ADGRG4: variants seen among roughly 807,000 people sequenced by gnomAD.
ADGRG4 encodes the protein adhesion G protein-coupled receptor G4.
Under a neutral mutation model 126.2 loss-of-function variants are expected in ADGRG4, and 122 were observed. That is an observed-to-expected ratio of 0.97 (90% confidence interval 0.83 to 1.12). ADGRG4 has a LOEUF of 1.12. ADGRG4 is among the 50% of genes most tolerant of loss of function. ADGRG4 has a pLI of 0.00. For missense variants in ADGRG4, 2,481 were observed against 2,251.8 expected (o/e 1.10, Z -2.06); for synonymous variants, 943 against 838.7 (o/e 1.12, Z -2.15).
chrX:136,392,228 G>A lies in ADGRG4; in HGVS notation c.7912-4G>A, dbSNP rs1464574891. The A allele has an allele frequency of 2.6e-6, 3 of 1,154,374 alleles. No individual in the cohort carries two copies. The South Asian group carries it at 6.4e-5, about 25-fold the overall frequency. On this transcript the variant is annotated splice_polypyrimidine_tract_variant and splice_region_variant and intron_variant, in intron 16 of 25. Coordinates refer to ENST00000394143, the MANE Select transcript of ADGRG4 (RefSeq NM_153834.4). ...CCTGAACTCCTCTTTTGTTTCATCT[G>A]CAGACCAAAAATGTCACTAAAGCAT...
Position 136,348,343 on chromosome X carries a change from G to A in ADGRG4, c.4637G>A (p.Gly1546Asp). ...ITKSSKTMHP[G>D]CLKSPCTATS... ...AAATCTTCTAAAACAATGCATCCAG[G>A]TTGTTTGAAAAGTCCCTGTACAGCC... is the stretch of plus-strand genomic sequence containing the variant. The change falls in exon 6 of 26, where the codon GGT becomes GAT. Residue 1546 changes from glycine (G) to aspartate (D), a missense_variant. Physicochemically the swap from Gly to Asp is moderately conservative, Grantham distance 94. Coordinates refer to ENST00000394143, the MANE Select transcript of ADGRG4 (RefSeq NM_153834.4). 2.5e-6 allele frequency: 3 copies of A among 1,209,828 alleles called. No homozygotes were observed. Among genetic ancestry groups the A allele is most frequent in the Non-Finnish European group, 3.4e-6 (3 of 894,181 alleles).
chrX:136,322,804 C>A lies in ADGRG4; in HGVS notation c.97C>A (p.Leu33Met). The change falls in exon 5 of 26, where the codon CTG becomes ATG. Residue 33 changes from leucine to methionine, a missense_variant. Transcript: ENST00000394143. ...SDTLSLKGKK[L>M]DFFGRGDTYV... ...TACACTTTCACTAAAAGGAAAAAAG[C>A]TGGATTTTTTTGGAAGAGGTGACAC... The A allele has an allele frequency of 8.4e-7, 1 of 1,189,263 alleles. No homozygotes were observed. The highest frequency in any genetic ancestry group is 1.9e-5 in the South Asian group (1 of 53,065).
At chrX:136,360,755 C>G (rs1182059739) in intron 11 of ADGRG4, among the ~76,000 whole-genome samples, 1 of 109,895 alleles carries the variant, frequency 9.1e-6, no homozygotes, top group Non-Finnish European at 1.9e-5. Flanking sequence ...AACAAACAAA[C>G]AAAACAGAGC....
Position 136,405,828 on chromosome X carries a change from C to T in ADGRG4, c.8791C>T (p.Arg2931Trp), listed in dbSNP as rs749245858. 2.2e-5 allele frequency: 27 copies of T among 1,208,551 alleles called. No individual in the cohort carries two copies. Among genetic ancestry groups the T allele is most frequent in the Admixed American group, 8.8e-5 (4 of 45,638 alleles). The change falls in exon 23 of 26, where the codon CGG becomes TGG. Residue 2931 changes from arginine (R) to tryptophan (W), a missense_variant. Arg to Trp is a moderately radical substitution (Grantham distance 101). Transcript: ENST00000394143. Reference sequence around the variant, plus strand: ...TGTGAAATCCCAAATCCAGAAGACTCGGCGGAAGATGATCCTGCATGACCT... The same window carrying T: ...TGTGAAATCCCAAATCCAGAAGACTTGGCGGAAGATGATCCTGCATGACCT... Reference protein sequence around the residue: ...NSVKSQIQKTRRKMILHDLKG... With the variant: ...NSVKSQIQKTWRKMILHDLKG...
Position 136,350,126 on chromosome X carries a change from A to G in ADGRG4, c.6420A>G (p.Leu2140=). ...CACCTTCTACAACTGACCACACTCT[A>G]TCTGTTGGTGCCATGCCTCTGCCTA... The part of the protein sequence containing the change: ...TMSPSTTDHT[L]SVGAMPLPSS... The change falls in exon 6 of 26, where the codon CTA becomes CTG. Residue 2140 remains leucine (L), a synonymous_variant. Coordinates refer to ENST00000394143, the MANE Select transcript of ADGRG4 (RefSeq NM_153834.4). 8.3e-7 allele frequency: 1 copy of G among 1,209,041 alleles called. No individual in the cohort carries two copies.
chrX:136,319,505 A>G (rs1345572097), intron 4 of ADGRG4, among the ~76,000 whole-genome samples: 1 of 111,884 alleles, frequency 8.9e-6, no homozygotes, highest in African/African-American at 3.3e-5. Flanking sequence ...TTTAACTTTT[A>G]TATAGTGTTC....
At chrX:136,396,454 G>T (rs1450683242) in intron 19 of ADGRG4, among the ~76,000 whole-genome samples, 2 of 102,916 alleles carry the variant, frequency 1.9e-5, no homozygotes, top group African/African-American at 3.5e-5. Context: ...GGAGTGCAGT[G>T]GTTCTATCTT....
At chrX:136,395,966 A>C (rs756731029) in intron 19 of ADGRG4, among the ~76,000 whole-genome samples, 1 of 111,839 alleles carries the variant, frequency 8.9e-6, no homozygotes, top group African/African-American at 3.2e-5. Context: ...GCTTGGGTTT[A>C]ACACAATAAA....
At chrX:136,385,238 A>G (rs1569334402) in intron 15 of ADGRG4, among the ~76,000 whole-genome samples, 1 of 111,719 alleles carries the variant, frequency 9.0e-6, no homozygotes, top group Middle Eastern at 4.6e-3. Context: ...TACAGTTTTT[A>G]GAATTCATGC....
chrX:136,336,613 A>G (rs940260261), intron 5 of ADGRG4, among the ~76,000 whole-genome samples: 1 of 111,404 alleles, frequency 9.0e-6, no homozygotes, highest in Non-Finnish European at 1.9e-5. Flanking sequence ...TGAGTCCAGT[A>G]ATTTTCCTTG....
rs1246614990 is a variant in ADGRG4 at position 136,345,661 on chromosome X, A to G, written c.1955A>G (p.Asn652Ser). ...TDEAAHLFSS[N>S]ETIWTSRPDQ... ...GAAGCTGCCCATCTGTTCTCCAGCA[A>G]TGAGACCATTTGGACTTCTAGGCCA... Residue 652 changes from asparagine to serine, a missense_variant, in exon 6 of 26, where the codon AAT becomes AGT. Coordinates refer to ENST00000394143, the MANE Select transcript of ADGRG4 (RefSeq NM_153834.4). The G allele has an allele frequency of 9.9e-6, 12 of 1,209,102 alleles. No individual in the cohort carries two copies. Among genetic ancestry groups the G allele is most frequent in the Non-Finnish European group, 1.3e-5 (12 of 894,479 alleles).
At chrX:136,409,909 C>G (rs1468864630) in intron 23 of ADGRG4, among the ~76,000 whole-genome samples, 2 of 112,428 alleles carry the variant, frequency 1.8e-5, no homozygotes, top group African/African-American at 6.5e-5. Context: ...TAGTTAAGCC[C>G]TTGTGTTCTA....
rs746969641 is a variant in ADGRG4, at chrX:136,349,558, T to C, written c.5852T>C (p.Leu1951Pro). The C allele has an allele frequency of 3.3e-6, 4 of 1,208,269 alleles. 1 individual carries two copies. The South Asian group carries it at 7.1e-5, about 21-fold the overall frequency. Residue 1951 changes from leucine to proline, a missense_variant, in exon 6 of 26, where the codon CTT becomes CCT. Leu to Pro is a moderately conservative substitution (Grantham distance 98). Coordinates refer to ENST00000394143, the MANE Select transcript of ADGRG4 (RefSeq NM_153834.4). ...TCAGGAATTCTTCCTAACCATGGGC[T>C]TTCTGAGAACCCTTCATTATCAACA... ...PMSGILPNHG[L>P]SENPSLSTSL...
chrX:136,302,308 A>G (rs2074706072), intron 1 of ADGRG4, among the ~76,000 whole-genome samples: 1 of 111,854 alleles, frequency 8.9e-6, no homozygotes, highest in East Asian at 2.8e-4. Flanking sequence ...CATTCCTTGT[A>G]AGTTGTATTC....
At chrX:136,403,192 G>T (rs1216803313) in intron 21 of ADGRG4, 52 bp from the exon 22 acceptor site, 1 of 958,741 alleles carries the variant, frequency 1.0e-6, no homozygotes, top group East Asian at 3.1e-5. Context: ...CATTGATTAG[G>T]TTGCCTCCCT....
At chrX:136,364,531 G>A (rs1205157281) in intron 13 of ADGRG4, among the ~76,000 whole-genome samples, 1 of 111,284 alleles carries the variant, frequency 9.0e-6, no homozygotes, top group East Asian at 2.8e-4. Flanking sequence ...TATTTAACCT[G>A]TTTCTTATGG....
At chrX:136,404,748 T>C (rs1308276519) in intron 22 of ADGRG4, among the ~76,000 whole-genome samples, 2 of 112,180 alleles carry the variant, frequency 1.8e-5, no homozygotes, top group Non-Finnish European at 3.8e-5. Flanking sequence ...TTCTGTGGCG[T>C]CTTTTAAGGA....
chrX:136,317,801 A>T (rs1460036255), intron 4 of ADGRG4, among the ~76,000 whole-genome samples: 3 of 112,030 alleles, frequency 2.7e-5, no homozygotes, highest in Admixed American at 9.4e-5. Flanking sequence ...GCTCAATGTC[A>T]TCAGCCATTA....
At chrX:136,339,160 C>T (rs1490066474) in intron 5 of ADGRG4, among the ~76,000 whole-genome samples, 1 of 111,404 alleles carries the variant, frequency 9.0e-6, no homozygotes, top group Non-Finnish European at 1.9e-5. Context: ...ACTTGGCCAC[C>T]TGCTGCTGGA....
Sources: allele counts gnomAD v4.1 joint callset (sites outside exome capture counted in the v4.1 genomes callset), GRCh38; gene constraint gnomAD v4.1.1; transcripts MANE v1.5; gene names NCBI Gene and HGNC (gene_info 2026-07-23, HGNC 2026-07-21).